Variants in NRXN3 observed in about 807,000 individuals in gnomAD.
NRXN3 encodes neurexin III.
Under a neutral mutation model 137.6 loss-of-function variants are expected in NRXN3, and 32 were observed. The ratio of observed to expected loss-of-function variants is 0.23; its 90% CI spans 0.18 to 0.31. NRXN3 has a LOEUF of 0.31. Among genes scored for constraint, NRXN3 ranks in the 10% least tolerant of loss-of-function variants. The pLI is 1.00. For synonymous variants in NRXN3, 798 were observed against 784.5 expected, an observed-to-expected ratio of 1.02 and a Z score of -0.29; for missense variants, 1,574 against 2,062.5, an observed-to-expected ratio of 0.76 and a Z score of 4.59.
intron 8 of NRXN3, among the ~76,000 whole-genome samples, chr14:78,796,493 C>G (rs1394344614): frequency 6.6e-6 from 1 of 152,178 alleles, no homozygotes; most frequent in Non-Finnish European, 1.5e-5. Flanking sequence ...CAATGGAGAT[C>G]TTGATGGCAA....
intron 15 of NRXN3, among the ~76,000 whole-genome samples, chr14:79,288,847 A>T (rs917568873): frequency 6.6e-6 from 1 of 152,190 alleles, no homozygotes; most frequent in Non-Finnish European, 1.5e-5. Context: ...CAACCCAAGG[A>T]GATAGTAAAT....
intron 20 of NRXN3, among the ~76,000 whole-genome samples, chr14:79,847,977 T>C (rs1413690408): frequency 6.6e-6 from 1 of 152,120 alleles, no homozygotes; most frequent in Admixed American, 6.5e-5. Flanking sequence ...AGCTCATTGA[T>C]GCACAGGCTA....
At chr14:78,944,557 G>T (rs186145762) in intron 10 of NRXN3, among the ~76,000 whole-genome samples, 19 of 152,254 alleles carry the variant, frequency 1.2e-4, no homozygotes, top group African/African-American at 3.9e-4. Context: ...TCCTATGATG[G>T]TGTCCTCATC....
intron 4 of NRXN3, among the ~76,000 whole-genome samples, chr14:78,438,879 C>A (rs2153694434): frequency 6.6e-6 from 1 of 152,162 alleles, no homozygotes. Flanking sequence ...ACCAAGAGCT[C>A]AAGCTGAAGC....
intron 19 of NRXN3, among the ~76,000 whole-genome samples, chr14:79,741,749 G>T (rs1325373414): frequency 6.6e-6 from 1 of 151,806 alleles, no homozygotes; most frequent in African/African-American, 2.4e-5. Context: ...GCCTCCCACA[G>T]TGCTGGTATT....
intron 8 of NRXN3, among the ~76,000 whole-genome samples, chr14:78,750,427 G>C (rs927866310): frequency 1.3e-5 from 2 of 152,242 alleles, no homozygotes; most frequent in Non-Finnish European, 2.9e-5. Context: ...GTGTGATGCT[G>C]GAGGAAAGAC....
At chr14:78,664,364 T>G (rs764401048) in intron 6 of NRXN3, among the ~76,000 whole-genome samples, 2 of 152,176 alleles carry the variant, frequency 1.3e-5, no homozygotes, top group Admixed American at 6.6e-5. Context: ...ATTTAGCCCC[T>G]TTAAAGATTC....
At chr14:78,185,099 C>G (rs1252442354) in intron 1 of NRXN3, among the ~76,000 whole-genome samples, 2 of 152,188 alleles carry the variant, frequency 1.3e-5, no homozygotes, top group African/African-American at 4.8e-5. Context: ...CTGCAAGTAT[C>G]TATTGGACAC....
intron 16 of NRXN3, among the ~76,000 whole-genome samples, chr14:79,650,297 G>T (rs2098470002): frequency 6.6e-6 from 1 of 152,050 alleles, no homozygotes; most frequent in Non-Finnish European, 1.5e-5. Flanking sequence ...ACTGTCTGTG[G>T]ATATTTATTT....
At chr14:79,262,724 C>T (rs2077822142) in intron 15 of NRXN3, among the ~76,000 whole-genome samples, 1 of 152,194 alleles carries the variant, frequency 6.6e-6, no homozygotes, top group Non-Finnish European at 1.5e-5. Flanking sequence ...CCTGTAAGTG[C>T]TGCACACATA....
intron 15 of NRXN3, among the ~76,000 whole-genome samples, chr14:79,076,063 A>G (rs1476420917): frequency 6.6e-6 from 1 of 152,066 alleles, no homozygotes; most frequent in Non-Finnish European, 1.5e-5. Context: ...TGTGGTAAAA[A>G]CCATCCTCAT....
chr14:78,935,624 G>A (rs574352968), intron 10 of NRXN3, among the ~76,000 whole-genome samples: 5 of 152,254 alleles, frequency 3.3e-5, no homozygotes, highest in African/African-American at 9.6e-5. Flanking sequence ...ACAGAGGCAA[G>A]GTTTTGAGAA....
intron 15 of NRXN3, among the ~76,000 whole-genome samples, chr14:79,334,302 G>A (rs1369955948): frequency 6.6e-6 from 1 of 152,180 alleles, no homozygotes; most frequent in Non-Finnish European, 1.5e-5. Context: ...GAGTGTGCTA[G>A]GGCATGCTAT....
intron 20 of NRXN3, chr14:79,853,991 A>C: frequency 5.1e-6 from 5 of 986,876 alleles, no homozygotes; most frequent in Non-Finnish European, 6.0e-6. Flanking sequence ...TTTTCTTTTT[A>C]TGTTATGTGG....
chr14:79,116,412 A>G (rs1351256638), intron 15 of NRXN3, among the ~76,000 whole-genome samples: 4 of 152,162 alleles, frequency 2.6e-5, no homozygotes, highest in Non-Finnish European at 4.4e-5. Flanking sequence ...AATGGATGCA[A>G]AATTACTGCA....
chr14:79,645,129 T>C lies in NRXN3; in HGVS notation c.3445-18649T>C, dbSNP rs1045771807. 2.2e-5 allele frequency among the ~76,000 whole-genome samples: 3 copies of C among 135,698 alleles called. 1 individual carries two copies. Among genetic ancestry groups the C allele is most frequent in the Non-Finnish European group, 5.1e-5 (3 of 58,372 alleles). 89.0% of individuals were successfully genotyped at this position (135,698 alleles called of 152,430 possible). ...CTGCTCTTAAGACTTCCCTTATCAC[T>C]TTAACTGAAAGGCAGACTTTCTTAT... On this transcript the variant is annotated intron_variant, in intron 16 of 20. Transcript: ENST00000335750.
At chr14:79,370,362 AG>A (rs2094058957) in intron 15 of NRXN3, among the ~76,000 whole-genome samples, 1 of 135,580 alleles carries the variant, frequency 7.4e-6, no homozygotes, top group Non-Finnish European at 1.5e-5. Flanking sequence ...CTTATTGCCC[AG>A]GCTGGAGTGA....
chr14:78,643,600 G>A lies in NRXN3; in HGVS notation c.758-1520G>A, dbSNP rs1007205332. ...AGTTGGAAAGCCAGGCTCAAATTTA[G>A]AGTTTTTGGATTCCTTGGAGTTCTG... On this transcript the variant is annotated intron_variant, in intron 4 of 20. Transcript: ENST00000335750. Among the ~76,000 whole-genome samples, 3 of 152,296 alleles carry A rather than the reference G, an allele frequency of 2.0e-5. 1 individual carries two copies. Among genetic ancestry groups the A allele is most frequent in the East Asian group, 1.9e-4 (1 of 5,184 alleles).
At chr14:78,540,472 G>T (rs2096579055) in intron 4 of NRXN3, among the ~76,000 whole-genome samples, 1 of 130,534 alleles carries the variant, frequency 7.7e-6, no homozygotes. Flanking sequence ...TTGCTTGGTA[G>T]ATCTTCCTCC....
Sources: gnomAD v4.1 joint callset for allele counts (sites outside exome capture counted in the v4.1 genomes callset) on GRCh38, gnomAD v4.1.1 for gene constraint, MANE v1.5 for transcripts, NCBI Gene and HGNC (gene_info 2026-07-23, HGNC 2026-07-21) for gene names.